PLXNC1: variants seen among roughly 807,000 people sequenced by gnomAD.
PLXNC1 encodes the protein plexin C1.
PLXNC1 carries 75 observed loss-of-function variants against 178.2 expected under a neutral mutation model. That is an observed-to-expected ratio of 0.42 (90% CI 0.35 to 0.51). The LOEUF (loss-of-function observed/expected upper bound fraction) is 0.51, where lower values mean the gene tolerates loss of function less well. PLXNC1 is among the 20% of genes least tolerant of loss of function. PLXNC1 has a pLI of 0.02. For synonymous variants in PLXNC1, 790 were observed against 779.9 expected (o/e 1.01, Z -0.22); for missense variants, 1,503 against 1,984.4 (o/e 0.76, Z 4.61).
At chr12:94,287,505 A>G (rs1367667346) in intron 23 of PLXNC1, among the ~76,000 whole-genome samples, 1 of 152,210 alleles carries the variant, frequency 6.6e-6, no homozygotes, top group Non-Finnish European at 1.5e-5. Context: ...GCTATGGAGT[A>G]GTGGCGAGTG....
chr12:94,175,235 C>T (rs1428634545), intron 2 of PLXNC1, among the ~76,000 whole-genome samples: 1 of 152,068 alleles, frequency 6.6e-6, no homozygotes, highest in African/African-American at 2.4e-5. Flanking sequence ...TCAGAAACTG[C>T]TTATGGAAAA....
chr12:94,301,315 C>T (rs775257601), intron 28 of PLXNC1, among the ~76,000 whole-genome samples: 5 of 152,142 alleles, frequency 3.3e-5, no homozygotes, highest in Non-Finnish European at 7.4e-5. Flanking sequence ...ACAAAGTATG[C>T]GTTTTGTTTC....
chr12:94,149,369 C>T lies in PLXNC1; in HGVS notation c.398C>T (p.Ala133Val). Residue 133 changes from alanine to valine, a missense_variant, in exon 1 of 31, where the codon GCC becomes GTC. Coordinates refer to ENST00000258526, the MANE Select transcript of PLXNC1 (RefSeq NM_005761.3). ...ACCGGCTGGACCTTCGACCGGGGCGCCTGCGAGGTGCGGCCCCTGGGCAAC... is the reference window on the plus strand; with the variant it reads ...ACCGGCTGGACCTTCGACCGGGGCGTCTGCGAGGTGCGGCCCCTGGGCAAC... The part of the protein sequence containing the change: ...LLTGWTFDRG[A>V]CEVRPLGNLS... 1 of 1,425,370 alleles carries T rather than the reference C, an allele frequency of 7.0e-7. No individual in the cohort carries two copies. The highest frequency in any genetic ancestry group is 9.1e-7 in the Non-Finnish European group (1 of 1,100,198). The allele number at this position is 1,425,370 out of a possible 1,614,324, so 88.3% of individuals were successfully genotyped here. A position where few individuals can be genotyped will look rare whatever the true frequency, so the allele number is the denominator to read the frequency against.
At chr12:94,236,909 T>TC (rs1465389277) in intron 9 of PLXNC1, among the ~76,000 whole-genome samples, 2 of 132,212 alleles carry the variant, frequency 1.5e-5, no homozygotes, top group African/African-American at 6.4e-5. Flanking sequence ...AATAAAGGGC[T>TC]TTTTTTTTAA....
chr12:94,175,219 C>T (rs1280528982), intron 2 of PLXNC1, among the ~76,000 whole-genome samples: 1 of 152,096 alleles, frequency 6.6e-6, no homozygotes, highest in Non-Finnish European at 1.5e-5. Context: ...TCCTTCCCAG[C>T]ATTTCTCAGA....
intron 1 of PLXNC1, among the ~76,000 whole-genome samples, chr12:94,165,481 T>C (rs1203802378): frequency 6.6e-6 from 1 of 152,170 alleles, no homozygotes; most frequent in Admixed American, 6.5e-5. Context: ...GCTGTTGTAA[T>C]AGGCTGCAAA....
chr12:94,149,197 C>T lies in PLXNC1; in HGVS notation c.226C>T (p.Leu76Phe). Residue 76 changes from leucine to phenylalanine, a missense_variant, in exon 1 of 31, where the codon CTC (leucine) becomes TTC (phenylalanine). Leu to Phe is a conservative substitution (Grantham distance 22). Coordinates refer to ENST00000258526, the MANE Select transcript of PLXNC1 (RefSeq NM_005761.3). ...DQLDYSLEHS[L>F]SRLYRDQAGN... ...GCTGGACTACAGCCTGGAGCACAGC[C>T]TCTCGCGCCTGTACCGGGACCAAGC... 2 of 1,587,956 alleles carry T rather than the reference C, an allele frequency of 1.3e-6. No homozygotes were observed. The highest frequency in any genetic ancestry group is 1.7e-6 in the Non-Finnish European group (2 of 1,171,450).
chr12:94,210,612 C>T (rs1245173080), intron 5 of PLXNC1, among the ~76,000 whole-genome samples: 1 of 152,180 alleles, frequency 6.6e-6, no homozygotes, highest in Admixed American at 6.5e-5. Flanking sequence ...AACTTTACCA[C>T]TTACGATGAT....
chr12:94,219,905 T>G, intron 5 of PLXNC1, 111 bp from the exon 6 acceptor site: 2 of 837,524 alleles, frequency 2.4e-6, no homozygotes, highest in Non-Finnish European at 3.6e-6. Flanking sequence ...TCAGCTCTTC[T>G]GAGAAATTCT....
At chr12:94,252,845 G>A (rs1172703704) in intron 15 of PLXNC1, among the ~76,000 whole-genome samples, 1 of 152,160 alleles carries the variant, frequency 6.6e-6, no homozygotes, top group Non-Finnish European at 1.5e-5. Context: ...TTGTGACTCT[G>A]GTTCTGAGCT....
chr12:94,240,413 G>T (rs1019518057), intron 10 of PLXNC1, 72 bp from the exon 11 acceptor site: 1 of 1,144,150 alleles, frequency 8.7e-7, no homozygotes, highest in Admixed American at 2.0e-5. Context: ...AAATTCATTT[G>T]CTGTCACCTT....
rs144521336 is a variant in PLXNC1 at position 94,286,250 on chromosome 12, T to C, written c.3879+3849T>C. 2.6e-3 allele frequency among the ~76,000 whole-genome samples: 391 copies of C among 152,302 alleles called. 2 individuals carry two copies. Among genetic ancestry groups the C allele is most frequent in the African/African-American group, 8.8e-3 (364 of 41,556 alleles). On this transcript the variant is annotated intron_variant, in intron 23 of 30. Coordinates refer to ENST00000258526, the MANE Select transcript of PLXNC1 (RefSeq NM_005761.3). ...ATGAAGGCTTAAAGGATTCTCCTTA[T>C]GTTTAAAAAGCTAAGCCATAAGGCA...
intron 21 of PLXNC1, among the ~76,000 whole-genome samples, chr12:94,268,207 G>C (rs1965361867): frequency 6.6e-6 from 1 of 152,138 alleles, no homozygotes; most frequent in Non-Finnish European, 1.5e-5. Context: ...CTCAGATGAG[G>C]ATGTGTTCTC....
intron 1 of PLXNC1, among the ~76,000 whole-genome samples, chr12:94,162,255 T>G (rs1305586456): frequency 6.7e-6 from 1 of 150,000 alleles, no homozygotes. Context: ...TACAAGGGAG[T>G]GAAGGGGGGT....
At chr12:94,244,083 C>A in intron 12 of PLXNC1, 58 bp downstream of exon 12, 1 of 1,011,778 alleles carries the variant, frequency 9.9e-7, no homozygotes, top group Non-Finnish European at 1.5e-6. Context: ...CTATTTTCAT[C>A]ACACTATGCT....
intron 21 of PLXNC1, among the ~76,000 whole-genome samples, chr12:94,269,104 C>T (rs1039446581): frequency 7.9e-5 from 12 of 152,142 alleles, no homozygotes; most frequent in South Asian, 2.1e-4. Flanking sequence ...ACCAATAACT[C>T]GTAGCAAGCG....
chr12:94,169,346 C>G, intron 2 of PLXNC1, 53 bp downstream of exon 2: 1 of 1,488,374 alleles, frequency 6.7e-7, no homozygotes, highest in Non-Finnish European at 9.1e-7. Context: ...ATATTTTGTA[C>G]TTTAAAAAAA....
chr12:94,243,270 TC>T (rs1964440903), intron 11 of PLXNC1, among the ~76,000 whole-genome samples: 1 of 152,224 alleles, frequency 6.6e-6, no homozygotes, highest in African/African-American at 2.4e-5. Context: ...AGAATGAGTG[TC>T]TGGTGACCTA....
chr12:94,226,268 G>GGA (rs950551511), intron 7 of PLXNC1, among the ~76,000 whole-genome samples: 1 of 152,062 alleles, frequency 6.6e-6, no homozygotes, highest in African/African-American at 2.4e-5. Flanking sequence ...GTAGAGGCGG[G>GGA]GAGAGAGAGA....
Sources: gnomAD v4.1 joint callset for allele counts (sites outside exome capture counted in the v4.1 genomes callset) on GRCh38, gnomAD v4.1.1 for gene constraint, MANE v1.5 for transcripts, NCBI Gene and HGNC (gene_info 2026-07-23, HGNC 2026-07-21) for gene names.